The following IGF1R variants were observed in gnomAD, a reference collection of about 807,000 sequenced individuals.
IGF1R encodes the protein insulin-like growth factor 1 receptor.
IGF1R carries 44 observed loss-of-function variants against 144.6 expected under a neutral mutation model. That is an observed-to-expected ratio of 0.30 (90% confidence interval 0.24 to 0.39). The LOEUF (loss-of-function observed/expected upper bound fraction) is 0.39. Ranked by LOEUF, IGF1R falls within the 10% of genes least tolerant of loss-of-function variation. The pLI is 1.00. For synonymous variants in IGF1R, 795 were observed against 722.8 expected, an observed-to-expected ratio of 1.10 and a Z score of -1.60; for missense variants, 1,355 against 1,833.7, an observed-to-expected ratio of 0.74 and a Z score of 4.77.
intron 2 of IGF1R, among the ~76,000 whole-genome samples, chr15:98,850,249 G>T (rs147246923): frequency 2.0e-5 from 3 of 152,230 alleles, no homozygotes; most frequent in Non-Finnish European, 1.5e-5. Context: ...GGGCATGGTG[G>T]TGAGGGTGGT....
chr15:98,863,017 G>A (rs1354361877), intron 2 of IGF1R, among the ~76,000 whole-genome samples: 1 of 151,734 alleles, frequency 6.6e-6, no homozygotes, highest in Non-Finnish European at 1.5e-5. Context: ...CCTTTTTTTG[G>A]TTCCAGATCC....
intron 2 of IGF1R, among the ~76,000 whole-genome samples, chr15:98,867,657 C>A (rs1307806190): frequency 2.0e-5 from 3 of 152,146 alleles, no homozygotes. Flanking sequence ...TGTCTCTTAG[C>A]CCTCACAATT....
chr15:98,803,597 C>G lies in IGF1R; in HGVS notation c.641-87728C>G, dbSNP rs181470420. 2.0e-3 allele frequency among the ~76,000 whole-genome samples: 307 copies of G among 152,080 alleles called. 1 individual carries two copies. Among genetic ancestry groups the G allele is most frequent in the African/African-American group, 6.8e-3 (280 of 41,476 alleles). ...CACAGCTCACTGCAGCCTCGACCGC[C>G]AAGGCTCAAGCGATCCTCTTACCTC... On this transcript the variant is annotated intron_variant, in intron 2 of 20. Transcript: ENST00000650285.
chr15:98,689,708 C>G (rs975860794), intron 1 of IGF1R, among the ~76,000 whole-genome samples: 28 of 152,346 alleles, frequency 1.8e-4, no homozygotes, highest in African/African-American at 6.7e-4. Context: ...GCTGCCATCA[C>G]AGATGGATGT....
At chr15:98,930,161 T>G in intron 14 of IGF1R, 74 bp from the exon 15 acceptor site, 1 of 985,408 alleles carries the variant, frequency 1.0e-6, no homozygotes, top group Non-Finnish European at 1.6e-6. Flanking sequence ...GAAACTGTTG[T>G]AGCGAAGATG....
At chr15:98,909,248 T>G (rs574744612) in intron 6 of IGF1R, among the ~76,000 whole-genome samples, 2 of 23,694 alleles carry the variant, frequency 8.4e-5, no homozygotes, top group Non-Finnish European at 1.6e-4. Context: ...TTTTCTTTTT[T>G]TTCTTTTTTT....
chr15:98,765,781 TC>T (rs2055421747), intron 2 of IGF1R, among the ~76,000 whole-genome samples: 1 of 152,186 alleles, frequency 6.6e-6, no homozygotes, highest in Non-Finnish European at 1.5e-5. Flanking sequence ...GTAGAAATTC[TC>T]CCCCATGATT....
chr15:98,712,441 T>C (rs1035095130), intron 2 of IGF1R, among the ~76,000 whole-genome samples: 4 of 152,132 alleles, frequency 2.6e-5, no homozygotes, highest in African/African-American at 9.7e-5. Flanking sequence ...TGGGTGTCCT[T>C]TGGACACTTC....
chr15:98,683,770 TG>T (rs1206568134), intron 1 of IGF1R, among the ~76,000 whole-genome samples: 2 of 152,206 alleles, frequency 1.3e-5, no homozygotes, highest in African/African-American at 4.8e-5. Context: ...GGAAGACAGA[TG>T]GTTTCAGAAG....
At chr15:98,836,673 C>T (rs187344863) in intron 2 of IGF1R, among the ~76,000 whole-genome samples, 10 of 152,244 alleles carry the variant, frequency 6.6e-5, no homozygotes, top group Admixed American at 5.9e-4. Flanking sequence ...CCAGTTTTCC[C>T]ACTAATATCC....
chr15:98,766,830 T>C (rs1269382908), intron 2 of IGF1R, among the ~76,000 whole-genome samples: 11 of 152,232 alleles, frequency 7.2e-5, no homozygotes, highest in African/African-American at 2.2e-4. Flanking sequence ...TCAGAATTAA[T>C]GTTATTTTGT....
chr15:98,668,569 A>C (rs1428582977), intron 1 of IGF1R, among the ~76,000 whole-genome samples: 2 of 152,204 alleles, frequency 1.3e-5, no homozygotes, highest in Non-Finnish European at 2.9e-5. Flanking sequence ...GTTTGAGAGG[A>C]ACTCAATTAT....
At chr15:98,652,938 T>C (rs1428415897) in intron 1 of IGF1R, among the ~76,000 whole-genome samples, 1 of 150,058 alleles carries the variant, frequency 6.7e-6, no homozygotes, top group African/African-American at 2.5e-5. Context: ...TAAACCCTTT[T>C]TTTTTTTTTT....
At chr15:98,832,076 T>C (rs2057011635) in intron 2 of IGF1R, among the ~76,000 whole-genome samples, 1 of 152,208 alleles carries the variant, frequency 6.6e-6, no homozygotes. Flanking sequence ...CCTTCATTCC[T>C]CTGCTTCTTG....
chr15:98,948,509 AG>A, intron 19 of IGF1R, 64 bp from the exon 20 acceptor site: 1 of 1,536,704 alleles, frequency 6.5e-7, no homozygotes, highest in Non-Finnish European at 9.0e-7. Context: ...AGTGCTGGAA[AG>A]GAGGGGGCAG....
Position 98,736,610 on chromosome 15 carries a change from C to CTTTTTT in IGF1R, c.640+28504_640+28509dup, listed in dbSNP as rs1321651793. ...AATTAGTGGGAATATTTTCTTTTTT[C>CTTTTTT]TTTTTTCTTTTTTTTTTTTGAGACA... On this transcript the variant is annotated intron_variant, in intron 2 of 20. Transcript: ENST00000650285. Among the ~76,000 whole-genome samples, 20 of 138,940 alleles carry CTTTTTT rather than the reference C, an allele frequency of 1.4e-4. 2 individuals are homozygous for CTTTTTT. Among genetic ancestry groups the CTTTTTT allele is most frequent in the South Asian group, 2.3e-4 (1 of 4,392 alleles). The allele number at this position is 138,940 out of a possible 152,430, so 91.2% of individuals were successfully genotyped here.
chr15:98,753,785 A>G (rs887689198), intron 2 of IGF1R, among the ~76,000 whole-genome samples: 3 of 152,238 alleles, frequency 2.0e-5, no homozygotes, highest in Admixed American at 1.3e-4. Context: ...TGAAACAAGT[A>G]TCTTGGAAAA....
chr15:98,871,993 A>G (rs2012809634), intron 2 of IGF1R, among the ~76,000 whole-genome samples: 1 of 152,222 alleles, frequency 6.6e-6, no homozygotes, highest in Non-Finnish European at 1.5e-5. Flanking sequence ...ACTCCTTCCT[A>G]GTGGAAGTTG....
intron 2 of IGF1R, among the ~76,000 whole-genome samples, chr15:98,841,821 A>G (rs1199412816): frequency 6.6e-6 from 1 of 152,134 alleles, no homozygotes; most frequent in African/African-American, 2.4e-5. Context: ...TCCTTGGAAC[A>G]TGGAGCACCA....
Sources: allele counts gnomAD v4.1 joint callset (sites outside exome capture counted in the v4.1 genomes callset), GRCh38; gene constraint gnomAD v4.1.1; transcripts MANE v1.5; gene names NCBI Gene and HGNC (gene_info 2026-07-23, HGNC 2026-07-21).